The following ADAMTS20 variants were observed in gnomAD, a reference collection of about 807,000 sequenced individuals.
ADAMTS20 encodes A disintegrin and metalloproteinase with thrombospondin motifs 20.
ADAMTS20 carries 225 observed loss-of-function variants against 260.1 expected under a neutral mutation model. The observed-to-expected ratio is 0.87, with a 90% confidence interval of 0.78 to 0.97. The LOEUF (loss-of-function observed/expected upper bound fraction) is 0.97, where lower values mean the gene tolerates loss of function less well. Ranked by LOEUF, ADAMTS20 falls within the 50% of genes least tolerant of loss-of-function variation. The pLI, the probability that ADAMTS20 is intolerant of heterozygous loss-of-function variation, is 0.00. For missense variants in ADAMTS20, 2,400 were observed against 2,337.7 expected, an observed-to-expected ratio of 1.03 and a Z score of -0.55; for synonymous variants, 802 against 769.5, an observed-to-expected ratio of 1.04 and a Z score of -0.70.
At chr12:43,357,288 T>C (rs1021921021) in intron 37 of ADAMTS20, among the ~76,000 whole-genome samples, 1 of 152,234 alleles carries the variant, frequency 6.6e-6, no homozygotes, top group Non-Finnish European at 1.5e-5. Context: ...CTACTGACAA[T>C]GTTCAGTAGG....
At position 43,358,577 on chromosome 12, in the gene ADAMTS20, G is replaced by A. The variant is rs542049093; in HGVS notation, c.5539-1989C>T. ...AATTCGGACGGGCGCGGTGGCTCAC[G>A]CCTGTAATCCCAGCACTTTGGGAGG... is the stretch of plus-strand genomic sequence containing the variant. On this transcript the variant is annotated intron_variant, in intron 37 of 38. Transcript: ENST00000389420. Among the ~76,000 whole-genome samples the A allele has an allele frequency of 9.9e-5, 15 of 151,990 alleles. No homozygotes were observed. The East Asian group carries it at 1.7e-3, about 18-fold the overall frequency.
At chr12:43,379,225 G>A (rs1418364328) in intron 31 of ADAMTS20, among the ~76,000 whole-genome samples, 1 of 152,152 alleles carries the variant, frequency 6.6e-6, no homozygotes, top group East Asian at 1.9e-4. Context: ...GACATTTGTT[G>A]CGCTCAATTA....
At chr12:43,513,491 C>T (rs1036444368) in intron 3 of ADAMTS20, among the ~76,000 whole-genome samples, 2 of 152,118 alleles carry the variant, frequency 1.3e-5, no homozygotes, top group African/African-American at 4.8e-5. Flanking sequence ...AACGTCTACA[C>T]TTGAAGAGCA....
At position 43,431,296 on chromosome 12, in the gene ADAMTS20, T is replaced by C. The variant is rs766837087; in HGVS notation, c.3261+36A>G. 18 of 1,599,486 alleles carry C rather than the reference T, an allele frequency of 1.1e-5. No individual in the cohort carries two copies. In the East Asian group the frequency reaches 2.7e-4, roughly 24 times the overall value. ...CAACTTTTGTGCTATTCTGTAAAGA[T>C]AGATCAAATTAGAAAAACCCATATC... On this transcript the variant is annotated intron_variant, in intron 22 of 38. Coordinates refer to ENST00000389420, the MANE Select transcript of ADAMTS20 (RefSeq NM_025003.5).
At chr12:43,425,746 G>T in intron 27 of ADAMTS20, 56 bp from the exon 28 acceptor site, 3 of 1,188,958 alleles carry the variant, frequency 2.5e-6, no homozygotes, top group Non-Finnish European at 3.4e-6. Context: ...ATAATGTATT[G>T]CTTCATTCAA....
At chr12:43,496,426 G>A (rs1376056696) in intron 4 of ADAMTS20, among the ~76,000 whole-genome samples, 2 of 152,148 alleles carry the variant, frequency 1.3e-5, no homozygotes, top group Non-Finnish European at 2.9e-5. Flanking sequence ...TCAGCATTCT[G>A]AACCAATTAG....
At chr12:43,375,595 A>G (rs1940209074) in intron 35 of ADAMTS20, 83 bp from the exon 36 acceptor site, 1 of 1,424,130 alleles carries the variant, frequency 7.0e-7, no homozygotes, top group Non-Finnish European at 9.8e-7. Flanking sequence ...GAAAAATAAA[A>G]CACACTCCTG....
At chr12:43,436,821 C>T (rs560481004) in intron 18 of ADAMTS20, among the ~76,000 whole-genome samples, 9 of 152,288 alleles carry the variant, frequency 5.9e-5, no homozygotes, top group South Asian at 2.1e-4. Flanking sequence ...CCGCAGCACC[C>T]TCATGACAAT....
chr12:43,463,736 T>G (rs1325341879), intron 10 of ADAMTS20, among the ~76,000 whole-genome samples: 1 of 152,166 alleles, frequency 6.6e-6, no homozygotes, highest in Non-Finnish European at 1.5e-5. Flanking sequence ...TCTAATTAAT[T>G]AATTCTTTCA....
chr12:43,364,512 T>A (rs1238128399), intron 37 of ADAMTS20, among the ~76,000 whole-genome samples: 2 of 151,924 alleles, frequency 1.3e-5, no homozygotes, highest in Non-Finnish European at 2.9e-5. Flanking sequence ...AGAATAACAA[T>A]AAAGATGAAG....
intron 28 of ADAMTS20, chr12:43,424,015 T>G (rs1941284545): frequency 1.6e-6 from 1 of 626,912 alleles, no homozygotes; most frequent in Non-Finnish European, 2.8e-6. Flanking sequence ...CTTGACCTAC[T>G]CTTCAAATAA....
intron 2 of ADAMTS20, among the ~76,000 whole-genome samples, chr12:43,545,921 A>C (rs1943436019): frequency 6.6e-6 from 1 of 152,114 alleles, no homozygotes; most frequent in Non-Finnish European, 1.5e-5. Flanking sequence ...ACTAACACAC[A>C]CTAGAATGTT....
chr12:43,502,628 A>G (rs570397593), intron 3 of ADAMTS20, among the ~76,000 whole-genome samples: 1 of 152,154 alleles, frequency 6.6e-6, no homozygotes, highest in Non-Finnish European at 1.5e-5. Context: ...ACATTTTCTT[A>G]GATTTTACCA....
chr12:43,412,954 G>A (rs1270216067), intron 28 of ADAMTS20, among the ~76,000 whole-genome samples: 1 of 151,504 alleles, frequency 6.6e-6, no homozygotes, highest in African/African-American at 2.4e-5. Flanking sequence ...GGGACTACAG[G>A]CACGCACCAC....
chr12:43,424,816 T>A (rs1163957593), intron 28 of ADAMTS20, among the ~76,000 whole-genome samples: 1 of 151,716 alleles, frequency 6.6e-6, no homozygotes, highest in Non-Finnish European at 1.5e-5. Context: ...AGTTCACATA[T>A]TAAAAAATAA....
At chr12:43,527,383 T>C (rs369307951) in intron 3 of ADAMTS20, among the ~76,000 whole-genome samples, 4 of 151,684 alleles carry the variant, frequency 2.6e-5, no homozygotes, top group South Asian at 4.2e-4. Flanking sequence ...GGAAATGACA[T>C]AACAAAAAAA....
intron 2 of ADAMTS20, among the ~76,000 whole-genome samples, chr12:43,537,940 C>A (rs1408088912): frequency 1.3e-5 from 2 of 152,178 alleles, no homozygotes; most frequent in Non-Finnish European, 2.9e-5. Flanking sequence ...AGGTTGCTTC[C>A]AAATCTTGGC....
At chr12:43,431,605 C>T in intron 21 of ADAMTS20, 109 bp from the exon 22 acceptor site, 1 of 1,328,266 alleles carries the variant, frequency 7.5e-7, no homozygotes, top group East Asian at 2.3e-5. Flanking sequence ...AAAAACCATT[C>T]CCAAATGCAT....
Position 43,376,282 on chromosome 12 carries a change from C to T in ADAMTS20, c.5174G>A (p.Arg1725Lys). The T allele has an allele frequency of 6.4e-7, 1 of 1,555,860 alleles. No homozygotes were observed. Among genetic ancestry groups the T allele is most frequent in the Middle Eastern group, 1.7e-4 (1 of 5,974 alleles). The change falls in exon 34 of 39, where the codon AGA becomes AAA. Residue 1725 changes from arginine to lysine, a missense_variant. Physicochemically the swap from Arg to Lys is conservative, Grantham distance 26 (BLOSUM62 2). Transcript: ENST00000389420. ...CKEIQVKNHI[R>K]KDGDYYLNIK... ...GTTAAGGTAATAGTCACCATCCTTT[C>T]TAATGTGGTTTTTCACTTGAATTTC...
Sources: allele counts gnomAD v4.1 joint callset (sites outside exome capture counted in the v4.1 genomes callset), GRCh38; gene constraint gnomAD v4.1.1; transcripts MANE v1.5; gene names NCBI Gene and HGNC (gene_info 2026-07-23, HGNC 2026-07-21).